The following SLMAP variants were observed in gnomAD, a reference collection of about 807,000 sequenced individuals.
SLMAP encodes the protein sarcolemma associated protein.
In SLMAP, 44 loss-of-function variants were observed where a neutral mutation model predicts 128.8. The observed-to-expected ratio is 0.34, with a 90% CI of 0.27 to 0.44. The LOEUF is 0.44. SLMAP is among the 20% of genes least tolerant of loss of function. The pLI, the probability that SLMAP is intolerant of heterozygous loss-of-function variation, is 1.00. For synonymous variants in SLMAP, 327 were observed against 348.8 expected (o/e 0.94, Z 0.70); for missense variants, 787 against 985.3 (o/e 0.80, Z 2.69).
chr3:57,873,671 C>T (rs1371532958), intron 14 of SLMAP, among the ~76,000 whole-genome samples: 1 of 152,090 alleles, frequency 6.6e-6, no homozygotes, highest in Non-Finnish European at 1.5e-5. Flanking sequence ...AAAAGAATAT[C>T]TAATCTAAAA....
chr3:57,860,912 T>G, intron 9 of SLMAP, 73 bp downstream of exon 9: 10 of 1,247,284 alleles, frequency 8.0e-6, no homozygotes, highest in Non-Finnish European at 1.1e-5. Context: ...TCCAGGATAC[T>G]TTAAACTTGG....
chr3:57,919,281 T>C (rs2096870351), intron 22 of SLMAP, among the ~76,000 whole-genome samples: 1 of 151,630 alleles, frequency 6.6e-6, no homozygotes. Context: ...CTCAGGAGGC[T>C]GAGACAGGAG....
rs7614218 is a variant in SLMAP, at chr3:57,929,635, A to G, written c.*2346A>G. Reference sequence around the variant, plus strand: ...AAGCATTGCAGCTAAAAATTGAACAACCCTGTAATGATACATTTAAGAATT... The same window carrying G: ...AAGCATTGCAGCTAAAAATTGAACAGCCCTGTAATGATACATTTAAGAATT... On this transcript the variant is annotated 3_prime_UTR_variant, in exon 25 of 25. Coordinates refer to ENST00000671191, the MANE Select transcript of SLMAP (RefSeq NM_001377540.1). Among the ~76,000 whole-genome samples, 1,730 of 152,298 alleles carry G rather than the reference A, an allele frequency of 0.011. 37 individuals carry two copies. Among genetic ancestry groups the G allele is most frequent in the African/African-American group, 0.039 (1,613 of 41,554 alleles).
At chr3:57,822,919 G>A (rs1309397583) in intron 2 of SLMAP, among the ~76,000 whole-genome samples, 1 of 152,150 alleles carries the variant, frequency 6.6e-6, no homozygotes, top group Non-Finnish European at 1.5e-5. Flanking sequence ...ACCACATATG[G>A]CAGGGAGTAT....
At chr3:57,855,860 A>G (rs898705311) in intron 6 of SLMAP, among the ~76,000 whole-genome samples, 8 of 151,990 alleles carry the variant, frequency 5.3e-5, no homozygotes, top group African/African-American at 1.9e-4. Context: ...CCTGTCCAAC[A>G]TGGTAAAACG....
At chr3:57,882,591 A>G (rs1211316135) in intron 14 of SLMAP, among the ~76,000 whole-genome samples, 1 of 152,216 alleles carries the variant, frequency 6.6e-6, no homozygotes, top group East Asian at 1.9e-4. Context: ...CAGTTCTGCC[A>G]TTATAAGGGA....
intron 13 of SLMAP, among the ~76,000 whole-genome samples, chr3:57,867,962 G>T: frequency 6.6e-6 from 1 of 152,110 alleles, no homozygotes; most frequent in Non-Finnish European, 1.5e-5. Context: ...GGACAGTGTT[G>T]TCCGAAATAA....
intron 14 of SLMAP, among the ~76,000 whole-genome samples, chr3:57,886,299 A>G (rs947907488): frequency 1.3e-5 from 2 of 151,170 alleles, no homozygotes; most frequent in East Asian, 2.0e-4. Context: ...GGTTTTCACC[A>G]TGTTGGCCAG....
intron 2 of SLMAP, among the ~76,000 whole-genome samples, chr3:57,822,227 A>C (rs2092582481): frequency 1.3e-5 from 2 of 152,314 alleles, no homozygotes; most frequent in South Asian, 4.1e-4. Context: ...GGAAGTCTTT[A>C]TACATGAAAT....
chr3:57,798,609 A>G lies in SLMAP; in HGVS notation c.199-32774A>G, dbSNP rs188896073. Among the ~76,000 whole-genome samples the G allele has an allele frequency of 2.3e-3, 353 of 152,350 alleles. 1 individual carries two copies. The highest frequency in any genetic ancestry group is 7.8e-3 in the African/African-American group (323 of 41,578). On this transcript the variant is annotated intron_variant, in intron 2 of 24. Transcript: ENST00000671191. ...TTCTAGGAAAAGCTAACATTATGAC[A>G]TAAACTCAGCTAAAAGTTGGTAAAG...
At chr3:57,909,273 G>C (rs2096636925) in intron 19 of SLMAP, 123 bp downstream of exon 19, 1 of 662,716 alleles carries the variant, frequency 1.5e-6, no homozygotes, top group African/African-American at 1.8e-5. Context: ...AGGCCGAGAA[G>C]GGTGGATCTC....
At chr3:57,799,237 A>G (rs2087565131) in intron 2 of SLMAP, among the ~76,000 whole-genome samples, 1 of 152,236 alleles carries the variant, frequency 6.6e-6, no homozygotes, top group Admixed American at 6.5e-5. Flanking sequence ...ACTTTTGTTC[A>G]TTAAATATAC....
intron 10 of SLMAP, among the ~76,000 whole-genome samples, chr3:57,862,343 A>G (rs536687347): frequency 1.3e-5 from 2 of 151,730 alleles, no homozygotes; most frequent in Admixed American, 1.3e-4. Flanking sequence ...AAACAAACAA[A>G]CAAAAAACAG....
chr3:57,808,468 C>T lies in SLMAP; in HGVS notation c.199-22915C>T, dbSNP rs192590106. The stretch of plus-strand genomic sequence containing the variant: ...TTCTGGTGTGTTGTCTCTTTATTCT[C>T]ATTGGTTTCAGAGAACTTCTTGATT... On this transcript the variant is annotated intron_variant, in intron 2 of 24. Coordinates refer to ENST00000671191, the MANE Select transcript of SLMAP (RefSeq NM_001377540.1). Among the ~76,000 whole-genome samples the T allele has an allele frequency of 9.2e-5, 14 of 152,302 alleles. No individual in the cohort carries two copies. The East Asian group carries it at 2.7e-3, about 29-fold the overall frequency.
intron 14 of SLMAP, among the ~76,000 whole-genome samples, chr3:57,878,902 TC>T (rs1171227220): frequency 9.2e-5 from 14 of 152,314 alleles, no homozygotes. Context: ...TTATATTCAC[TC>T]CCTCCTCTCT....
At chr3:57,850,616 G>A (rs1391728554) in intron 6 of SLMAP, among the ~76,000 whole-genome samples, 1 of 151,838 alleles carries the variant, frequency 6.6e-6, no homozygotes. Flanking sequence ...GATGACTTTT[G>A]TTTTGTTTTA....
At chr3:57,782,607 G>C (rs994116603) in intron 2 of SLMAP, among the ~76,000 whole-genome samples, 2 of 152,058 alleles carry the variant, frequency 1.3e-5, no homozygotes, top group African/African-American at 4.8e-5. Flanking sequence ...CAAGTAGCTG[G>C]GACTACAGGT....
intron 5 of SLMAP, among the ~76,000 whole-genome samples, 181 bp from the exon 6 acceptor site, chr3:57,849,573 G>A (rs572483908): frequency 1.8e-4 from 27 of 152,230 alleles, no homozygotes; most frequent in South Asian, 1.5e-3. Context: ...ATTAAGAAAC[G>A]GCTATATTTC....
rs550217944 is a variant in SLMAP, at chr3:57,871,413, G to C, written c.1238-223G>C. Among the ~76,000 whole-genome samples, 3 of 152,206 alleles carry C rather than the reference G, an allele frequency of 2.0e-5. No homozygotes were observed. In the South Asian group the frequency reaches 6.2e-4, roughly 32 times the overall value. Reference sequence around the variant, plus strand: ...TTATGTGATTTTCTTGAGCTCTTTGGATAAAAACTACACCTTTAAAAGCTA... The same window carrying C: ...TTATGTGATTTTCTTGAGCTCTTTGCATAAAAACTACACCTTTAAAAGCTA... On this transcript the variant is annotated intron_variant, in intron 13 of 24. Transcript: ENST00000671191.
Sources: gnomAD v4.1 joint callset for allele counts (sites outside exome capture counted in the v4.1 genomes callset) on GRCh38, gnomAD v4.1.1 for gene constraint, MANE v1.5 for transcripts, NCBI Gene and HGNC (gene_info 2026-07-23, HGNC 2026-07-21) for gene names.